ANAPC10: variants seen among roughly 807,000 people sequenced by gnomAD.
The protein encoded by ANAPC10 is anaphase promoting complex subunit 10.
ANAPC10 carries 12 observed loss-of-function variants against 22.0 expected under a neutral mutation model. The ratio of observed to expected loss-of-function variants is 0.55; its 90% CI spans 0.35 to 0.88. ANAPC10 has a LOEUF of 0.88. Ranked by LOEUF, ANAPC10 falls within the 40% of genes least tolerant of loss-of-function variation. ANAPC10 has a pLI of 0.01. For synonymous variants in ANAPC10, 65 were observed against 69.5 expected (o/e 0.94, Z 0.32); for missense variants, 188 against 220.9 (o/e 0.85, Z 0.94).
At chr4:145,028,607 T>C (rs1287846817) in intron 4 of ANAPC10, among the ~76,000 whole-genome samples, 2 of 152,182 alleles carry the variant, frequency 1.3e-5, no homozygotes, top group African/African-American at 4.8e-5. Flanking sequence ...TTTCTGGAGT[T>C]GGCTGCTTAA....
intron 3 of ANAPC10, among the ~76,000 whole-genome samples, chr4:145,068,993 G>A (rs960324384): frequency 2.6e-5 from 4 of 152,166 alleles, no homozygotes; most frequent in Admixed American, 1.3e-4. Flanking sequence ...CAACAACAAA[G>A]ACCATGTTTT....
At chr4:145,094,806 A>C (rs1242056109) in intron 2 of ANAPC10, among the ~76,000 whole-genome samples, 1 of 152,156 alleles carries the variant, frequency 6.6e-6, no homozygotes, top group Non-Finnish European at 1.5e-5. Flanking sequence ...TAGGAAAAAA[A>C]AAAAAGAGAG....
At chr4:145,056,008 G>A (rs1742017187) in intron 4 of ANAPC10, among the ~76,000 whole-genome samples, 1 of 152,138 alleles carries the variant, frequency 6.6e-6, no homozygotes, top group Non-Finnish European at 1.5e-5. Flanking sequence ...ACACAAGCAT[G>A]GGTCAATGGC....
Position 145,057,700 on chromosome 4 carries a change from C to T in ANAPC10, c.327+6872G>A, listed in dbSNP as rs577200945. Among the ~76,000 whole-genome samples, 25 of 152,244 alleles carry T rather than the reference C, an allele frequency of 1.6e-4. No homozygotes were observed. The South Asian group carries it at 5.0e-3, about 30-fold the overall frequency. On this transcript the variant is annotated intron_variant, in intron 4 of 4. Coordinates refer to ENST00000507656, the MANE Select transcript of ANAPC10 (RefSeq NM_001256706.2). ...CCAGATATCAGTGACCAAAATTAAT[C>T]TCATTATCTAAGTCCCTTTCTCTCT...
intron 4 of ANAPC10, among the ~76,000 whole-genome samples, chr4:145,014,930 T>A (rs1410972075): frequency 6.6e-6 from 1 of 152,100 alleles, no homozygotes; most frequent in Non-Finnish European, 1.5e-5. Context: ...CAAAAGAATC[T>A]GAACAATAGC....
At chr4:145,078,922 C>T (rs191256987) in intron 3 of ANAPC10, among the ~76,000 whole-genome samples, 26 of 152,206 alleles carry the variant, frequency 1.7e-4, no homozygotes, top group Admixed American at 1.4e-3. Context: ...ACTATAAAAA[C>T]CCAGGTAGAA....
At chr4:145,030,442 A>T (rs1188868798) in intron 4 of ANAPC10, among the ~76,000 whole-genome samples, 1 of 152,206 alleles carries the variant, frequency 6.6e-6, no homozygotes. Flanking sequence ...GGAAATAATC[A>T]GGCATTTTGG....
chr4:145,080,541 T>C (rs1288539811), intron 3 of ANAPC10, among the ~76,000 whole-genome samples: 2 of 152,204 alleles, frequency 1.3e-5, no homozygotes, highest in African/African-American at 2.4e-5. Context: ...ATCTGGCTTG[T>C]TGGAAATTTG....
chr4:145,002,836 T>G (rs554457786), intron 4 of ANAPC10, among the ~76,000 whole-genome samples: 65 of 152,292 alleles, frequency 4.3e-4, no homozygotes, highest in African/African-American at 1.5e-3. Flanking sequence ...TACATAATAT[T>G]ATTTTTGTTG....
intron 4 of ANAPC10, among the ~76,000 whole-genome samples, chr4:145,002,507 T>C (rs916649537): frequency 6.6e-6 from 1 of 152,138 alleles, no homozygotes; most frequent in Non-Finnish European, 1.5e-5. Flanking sequence ...CCAGAAGTCG[T>C]CCCTGGAGAG....
rs982606255 is a variant in ANAPC10 at position 145,096,073 on chromosome 4, A to T, written c.27T>A (p.Pro9=). 1 of 1,614,212 alleles carries T rather than the reference A, an allele frequency of 6.2e-7. No individual in the cohort carries two copies. Among genetic ancestry groups the T allele is most frequent in the Admixed American group, 1.7e-5 (1 of 60,026 alleles). The change falls in exon 2 of 5, where the codon CCT becomes CCA. Residue 9 remains proline, a synonymous_variant. Coordinates refer to ENST00000507656, the MANE Select transcript of ANAPC10 (RefSeq NM_001256706.2). MTTPNKTP[P]GADPKQLERT... ...TTTCCAACTGCTTGGGGTCAGCACC[A>T]GGAGGTGTCTTGTTTGGTGTAGTCA...
intron 4 of ANAPC10, among the ~76,000 whole-genome samples, chr4:145,040,784 C>G (rs1739392890): frequency 6.6e-6 from 1 of 151,884 alleles, no homozygotes. Flanking sequence ...AAGATAAGTA[C>G]AAGTGAATAA....
chr4:145,021,493 T>A (rs972172634), intron 4 of ANAPC10, among the ~76,000 whole-genome samples: 3 of 152,106 alleles, frequency 2.0e-5, no homozygotes, highest in Non-Finnish European at 4.4e-5. Flanking sequence ...TGAAACTGGA[T>A]CCTCATCTCT....
chr4:145,071,263 A>G (rs542095457), intron 3 of ANAPC10, among the ~76,000 whole-genome samples: 221 of 152,226 alleles, frequency 1.5e-3, no homozygotes, highest in Non-Finnish European at 2.7e-3. Context: ...AAAATTAGCC[A>G]GGCGTGGTGA....
At chr4:145,035,848 T>A (rs930596440) in intron 4 of ANAPC10, among the ~76,000 whole-genome samples, 1 of 152,128 alleles carries the variant, frequency 6.6e-6, no homozygotes, top group Non-Finnish European at 1.5e-5. Context: ...CTGTAGTAAA[T>A]CCCTTACTAT....
chr4:144,995,767 C>A (rs1283027344), intron 4 of ANAPC10, among the ~76,000 whole-genome samples, 164 bp from the exon 5 acceptor site: 1 of 152,178 alleles, frequency 6.6e-6, no homozygotes, highest in Non-Finnish European at 1.5e-5. Context: ...TTACCATGGT[C>A]TACTTATAGT....
intron 4 of ANAPC10, among the ~76,000 whole-genome samples, chr4:145,051,466 T>C (rs1026072600): frequency 4.6e-5 from 7 of 152,108 alleles, no homozygotes; most frequent in African/African-American, 1.4e-4. Flanking sequence ...GAGCACAAGC[T>C]GTTAAAAAAA....
chr4:145,041,325 T>G (rs904924509), intron 4 of ANAPC10, among the ~76,000 whole-genome samples: 10 of 152,238 alleles, frequency 6.6e-5, no homozygotes, highest in African/African-American at 2.2e-4. Flanking sequence ...ACAGCTTAGA[T>G]AGCATGAAGT....
At chr4:145,072,399 G>A (rs1434620160) in intron 3 of ANAPC10, among the ~76,000 whole-genome samples, 2 of 152,076 alleles carry the variant, frequency 1.3e-5, no homozygotes, top group Non-Finnish European at 2.9e-5. Flanking sequence ...TACATAAATC[G>A]AGAGTTGCTT....
Sources: gnomAD v4.1 joint callset for allele counts (sites outside exome capture counted in the v4.1 genomes callset) on GRCh38, gnomAD v4.1.1 for gene constraint, MANE v1.5 for transcripts, NCBI Gene and HGNC (gene_info 2026-07-23, HGNC 2026-07-21) for gene names.